The following RGS7 variants were observed in gnomAD, a reference collection of about 807,000 sequenced individuals.
RGS7 encodes regulator of G protein signaling 7.
Under a neutral mutation model 81.1 loss-of-function variants are expected in RGS7, and 27 were observed. The observed-to-expected ratio is 0.33, with a 90% CI of 0.25 to 0.46. The LOEUF (loss-of-function observed/expected upper bound fraction) is 0.46. Among genes scored for constraint, RGS7 ranks in the 20% least tolerant of loss-of-function variants. The pLI, the probability that RGS7 is intolerant of heterozygous loss-of-function variation, is 1.00. For synonymous variants in RGS7, 208 were observed against 207.7 expected, an observed-to-expected ratio of 1.00 and a Z score of -0.01; for missense variants, 396 against 607.4, an observed-to-expected ratio of 0.65 and a Z score of 3.66.
intron 2 of RGS7, among the ~76,000 whole-genome samples, chr1:241,228,518 A>G (rs921792751): frequency 2.6e-5 from 4 of 152,244 alleles, no homozygotes; most frequent in South Asian, 2.1e-4. Context: ...AACCCAAGGT[A>G]CAGAGAGATA....
chr1:241,131,293 T>C (rs1170673599), intron 2 of RGS7, among the ~76,000 whole-genome samples: 1 of 152,224 alleles, frequency 6.6e-6, no homozygotes, highest in Non-Finnish European at 1.5e-5. Context: ...TTTACTTGAA[T>C]CTAATCATTA....
chr1:241,317,779 T>C (rs561722793), intron 2 of RGS7, among the ~76,000 whole-genome samples: 2 of 152,348 alleles, frequency 1.3e-5, no homozygotes, highest in South Asian at 4.1e-4. Context: ...CTTCAGCTTC[T>C]TGGCCACTCA....
intron 2 of RGS7, among the ~76,000 whole-genome samples, chr1:241,129,199 C>T (rs913371769): frequency 4.0e-5 from 6 of 151,712 alleles, no homozygotes; most frequent in African/African-American, 1.5e-4. Context: ...TTGCAAAATG[C>T]CATAAATGAC....
At chr1:241,057,626 A>G (rs1335635212) in intron 3 of RGS7, among the ~76,000 whole-genome samples, 1 of 152,072 alleles carries the variant, frequency 6.6e-6, no homozygotes, top group African/African-American at 2.4e-5. Context: ...TGAGAGTTAA[A>G]TTTATAGCTG....
intron 3 of RGS7, among the ~76,000 whole-genome samples, chr1:241,062,381 C>G (rs2061786472): frequency 6.6e-6 from 1 of 152,186 alleles, no homozygotes; most frequent in Non-Finnish European, 1.5e-5. Context: ...AAAGATTCAT[C>G]AAGTCCTCAC....
At chr1:240,800,285 G>A (rs1325182985) in intron 18 of RGS7, among the ~76,000 whole-genome samples, 1 of 152,118 alleles carries the variant, frequency 6.6e-6, no homozygotes, top group African/African-American at 2.4e-5. Context: ...TATTTACAAT[G>A]TGATTAATTC....
chr1:241,031,738 A>AT (rs1399889372), intron 3 of RGS7, among the ~76,000 whole-genome samples: 1 of 152,004 alleles, frequency 6.6e-6, no homozygotes, highest in Non-Finnish European at 1.5e-5. Flanking sequence ...GATGTCTAGC[A>AT]TTTTTTCACA....
intron 18 of RGS7, 48 bp from the exon 19 acceptor site, chr1:240,776,261 T>C (rs757153544): frequency 7.0e-7 from 1 of 1,436,024 alleles, no homozygotes; most frequent in Non-Finnish European, 9.8e-7. Context: ...TCAAGTACGA[T>C]CACTGAAAAC....
chr1:240,914,514 T>C (rs370435052), intron 6 of RGS7, among the ~76,000 whole-genome samples: 18 of 152,178 alleles, frequency 1.2e-4, no homozygotes, highest in South Asian at 4.1e-4. Flanking sequence ...GGAGAACTCA[T>C]GGAGAAGAAA....
intron 4 of RGS7, among the ~76,000 whole-genome samples, chr1:240,972,266 A>T (rs1465637943): frequency 6.6e-6 from 1 of 151,834 alleles, no homozygotes; most frequent in Non-Finnish European, 1.5e-5. Flanking sequence ...TTGCGGCATT[A>T]TTCACAATAG....
intron 2 of RGS7, among the ~76,000 whole-genome samples, chr1:241,323,437 T>C (rs2081320906): frequency 1.3e-5 from 2 of 152,148 alleles, no homozygotes. Flanking sequence ...CCTGACCCCG[T>C]TGTAGGAATA....
chr1:240,953,686 T>A (rs1679911220), intron 4 of RGS7, among the ~76,000 whole-genome samples: 1 of 151,876 alleles, frequency 6.6e-6, no homozygotes, highest in Non-Finnish European at 1.5e-5. Context: ...GCTAGCAATA[T>A]TAGAACCTAG....
At chr1:241,150,153 AAAT>A (rs1319546080) in intron 2 of RGS7, among the ~76,000 whole-genome samples, 2 of 152,224 alleles carry the variant, frequency 1.3e-5, no homozygotes, top group Non-Finnish European at 2.9e-5. Context: ...TTGAGCAAAA[AAAT>A]AATAATCATT....
chr1:240,992,901 G>A (rs1187830779), intron 3 of RGS7, among the ~76,000 whole-genome samples: 1 of 151,440 alleles, frequency 6.6e-6, no homozygotes, highest in African/African-American at 2.4e-5. Flanking sequence ...TGTAGGCCCA[G>A]CTACTCAGGA....
chr1:241,306,657 A>C (rs796969926), intron 2 of RGS7, among the ~76,000 whole-genome samples: 2 of 151,138 alleles, frequency 1.3e-5, no homozygotes, highest in Non-Finnish European at 3.0e-5. Context: ...TTCACACACA[A>C]ATACATGTCC....
intron 6 of RGS7, among the ~76,000 whole-genome samples, chr1:240,878,489 C>CTTTTTTTTTTTTTTTTTTCT (rs57896753): frequency 1.7e-5 from 2 of 117,584 alleles, no homozygotes; most frequent in Non-Finnish European, 3.5e-5. Flanking sequence ...TTTTTTCTTT[C>CTTTTTTTTTTTTTTTTTTCT]TTTTTTTTTT....
chr1:241,343,782 G>A (rs150988608), intron 2 of RGS7, among the ~76,000 whole-genome samples: 1,560 of 152,020 alleles, frequency 0.01, 18 homozygotes, highest in Non-Finnish European at 0.013. Context: ...GATAATGGTC[G>A]CACAACAATG....
intron 3 of RGS7, among the ~76,000 whole-genome samples, chr1:241,031,832 C>T (rs1215585968): frequency 6.9e-6 from 1 of 145,906 alleles, no homozygotes; most frequent in Non-Finnish European, 1.5e-5. Flanking sequence ...TATTTGTTTT[C>T]TTTGTCATCG....
intron 18 of RGS7, among the ~76,000 whole-genome samples, chr1:240,796,004 C>T (rs1432852726): frequency 6.6e-6 from 1 of 152,002 alleles, no homozygotes; most frequent in Non-Finnish European, 1.5e-5. Flanking sequence ...CCAGGTGGTT[C>T]TTGAACTCTT....
Sources: allele counts gnomAD v4.1 joint callset (sites outside exome capture counted in the v4.1 genomes callset), GRCh38; gene constraint gnomAD v4.1.1; transcripts MANE v1.5; gene names NCBI Gene and HGNC (gene_info 2026-07-23, HGNC 2026-07-21).